Variants in NOL12 observed in about 807,000 individuals in gnomAD.
The protein encoded by NOL12 is nucleolar protein 12.
NOL12 carries 21 observed loss-of-function variants against 25.2 expected under a neutral mutation model. The ratio of observed to expected loss-of-function variants is 0.83; its 90% CI spans 0.59 to 1.20. The LOEUF (loss-of-function observed/expected upper bound fraction) is 1.20, where lower values mean the gene tolerates loss of function less well. Among genes scored for constraint, NOL12 ranks in the 50% most tolerant of loss-of-function variants. The pLI is 0.00. For synonymous variants in NOL12, 133 were observed against 113.8 expected, an observed-to-expected ratio of 1.17 and a Z score of -1.08; for missense variants, 286 against 287.6, an observed-to-expected ratio of 0.99 and a Z score of 0.04.
rs1601605141 is a variant in NOL12 at position 37,686,364 on chromosome 22, A to C, written c.-29A>C. On this transcript the variant is annotated 5_prime_UTR_variant, in exon 1 of 6. Coordinates refer to ENST00000359114, the MANE Select transcript of NOL12 (RefSeq NM_024313.3). ...GTACGCTACACCCGGAAGTGTCTTCAGGGAGAGGAAGCCGGCGGCCTCACT... is the reference window on the plus strand; with the variant it reads ...GTACGCTACACCCGGAAGTGTCTTCCGGGAGAGGAAGCCGGCGGCCTCACT... 1 of 1,576,294 alleles carries C rather than the reference A, an allele frequency of 6.3e-7. No homozygotes were observed. Among genetic ancestry groups the C allele is most frequent in the East Asian group, 2.4e-5 (1 of 42,302 alleles).
At chr22:37,690,910 G>A (rs1922037654) in intron 5 of NOL12, 116 bp downstream of exon 5, 1 of 764,306 alleles carries the variant, frequency 1.3e-6, no homozygotes, top group African/African-American at 1.7e-5. Flanking sequence ...TGCCTGTCCA[G>A]TGATCCTCTG....
intron 4 of NOL12, among the ~76,000 whole-genome samples, 172 bp downstream of exon 4, chr22:37,689,164 C>T (rs1182300773): frequency 1.3e-5 from 2 of 152,190 alleles, no homozygotes; most frequent in African/African-American, 4.8e-5. Flanking sequence ...GTTGTGGGTA[C>T]CCCACTGCTG....
At position 37,688,166 on chromosome 22, in the gene NOL12, G is replaced by A. The variant is rs546405857; in HGVS notation, c.190-146G>A. Reference sequence around the variant, plus strand: ...ATACAGGTGGAGACTCTGTGGGCCCGGGTCTGGGAGTGATGGAAGATGGAG... The same window carrying A: ...ATACAGGTGGAGACTCTGTGGGCCCAGGTCTGGGAGTGATGGAAGATGGAG... On this transcript the variant is annotated intron_variant, in intron 2 of 5. Coordinates refer to ENST00000359114, the MANE Select transcript of NOL12 (RefSeq NM_024313.3). 2.8e-4 allele frequency: 300 copies of A among 1,071,426 alleles called. 1 individual carries two copies. Among genetic ancestry groups the A allele is most frequent in the Non-Finnish European group, 3.9e-4 (277 of 713,974 alleles). 66.4% of individuals were successfully genotyped at this position (1,071,426 alleles called of 1,614,324 possible).
chr22:37,686,621 G>C, intron 1 of NOL12, 146 bp downstream of exon 1: 1 of 1,372,186 alleles, frequency 7.3e-7, no homozygotes, highest in East Asian at 3.1e-5. Flanking sequence ...TCCAGCCCGC[G>C]TTCCCGCTTC....
Position 37,691,288 on chromosome 22 carries a change from G to A in NOL12, c.594G>A (p.Lys198=), listed in dbSNP as rs1378517301. The A allele has an allele frequency of 6.2e-7, 1 of 1,613,758 alleles. No individual in the cohort carries two copies. The change falls in exon 6 of 6, where the codon AAG becomes AAA. Residue 198 remains lysine, a synonymous_variant. Coordinates refer to ENST00000359114, the MANE Select transcript of NOL12 (RefSeq NM_024313.3). ...KKPPRAPRTS[K]AQRRRLTGKA... is the part of the protein sequence containing the mutation. ...CCCCAAGGGCCCCTCGTACCAGCAA[G>A]GCCCAGCGCCGCCGTCTCACAGGCA... is the stretch of plus-strand genomic sequence containing the variant.
At position 37,692,714 on chromosome 22, in the gene NOL12, C is replaced by T. The variant is rs1233628611; in HGVS notation, c.*1378C>T. On this transcript the variant is annotated 3_prime_UTR_variant, in exon 6 of 6. Transcript: ENST00000359114. ...GACAGGACTGCGGGCTCTACCCGCC[C>T]TGATGTGGGAGCTCCTGGAGTGGGG... 1 of 399,008 alleles carries T rather than the reference C, an allele frequency of 2.5e-6. No individual in the cohort carries two copies. Among genetic ancestry groups the T allele is most frequent in the African/African-American group, 2.1e-5 (1 of 48,640 alleles). 24.7% of individuals were successfully genotyped at this position (399,008 alleles called of 1,614,324 possible). A position where few individuals can be genotyped will look rare whatever the true frequency, so the allele number is the denominator to read the frequency against.
rs1922138969 is a variant in NOL12 at position 37,693,021 on chromosome 22, G to C, written c.*1685G>C. Reference sequence around the variant, plus strand: ...CCTGCCACCAAGTTGTCTTCCCCGGGTGGCATGTGCCACTTGGCTGCCTCG... The same window carrying C: ...CCTGCCACCAAGTTGTCTTCCCCGGCTGGCATGTGCCACTTGGCTGCCTCG... On this transcript the variant is annotated 3_prime_UTR_variant, in exon 6 of 6. Transcript: ENST00000359114. 1 of 276,506 alleles carries C rather than the reference G, an allele frequency of 3.6e-6. No individual in the cohort carries two copies. The highest frequency in any genetic ancestry group is 2.2e-5 in the African/African-American group (1 of 45,962). 17.1% of individuals were successfully genotyped at this position (276,506 alleles called of 1,614,324 possible).
Position 37,687,937 on chromosome 22 carries a change from G to A in NOL12, c.111G>A (p.Arg37=), listed in dbSNP as rs1220045184. Residue 37 remains arginine (R), a synonymous_variant, in exon 2 of 6, where the codon CGG becomes CGA. Coordinates refer to ENST00000359114, the MANE Select transcript of NOL12 (RefSeq NM_024313.3). ...AGTACCTGACAGGCTTCCACAAGCGGAAGGTCGAGCGAAAGAAGGCAGCCA... is the reference window on the plus strand; with the variant it reads ...AGTACCTGACAGGCTTCCACAAGCGAAAGGTCGAGCGAAAGAAGGCAGCCA... ...RREYLTGFHK[R]KVERKKAAIE... is the part of the protein sequence containing the mutation. 5.1e-6 allele frequency: 8 copies of A among 1,581,250 alleles called. 1 individual carries two copies. The Admixed American group carries it at 1.1e-4, about 21-fold the overall frequency.
chr22:37,688,465 T>C, intron 3 of NOL12, 105 bp downstream of exon 3: 11 of 1,248,004 alleles, frequency 8.8e-6, no homozygotes, highest in Non-Finnish European at 1.1e-5. Context: ...CTAGGGATCT[T>C]GGGGGGTACC....
chr22:37,689,934 G>T (rs1445296950), intron 4 of NOL12, among the ~76,000 whole-genome samples: 1 of 152,260 alleles, frequency 6.6e-6, no homozygotes, highest in African/African-American at 2.4e-5. Context: ...CACTTTGGGA[G>T]GCCGAGGCGG....
chr22:37,686,780 CG>C, intron 1 of NOL12: 1 of 985,478 alleles, frequency 1.0e-6, no homozygotes, highest in African/African-American at 1.7e-5. Context: ...ACACAGCAGG[CG>C]CCCAGCCGTG....
chr22:37,687,137 A>G, intron 1 of NOL12: 1 of 972,684 alleles, frequency 1.0e-6, no homozygotes, highest in Non-Finnish European at 1.2e-6. Context: ...TGTCCTGGGG[A>G]CATGGGTGTT....
chr22:37,692,857 G>T lies in NOL12; in HGVS notation c.*1521G>T. The T allele has an allele frequency of 5.0e-6, 2 of 397,290 alleles. No homozygotes were observed. The highest frequency in any genetic ancestry group is 7.1e-5 in the East Asian group (2 of 28,034). 24.6% of individuals were successfully genotyped at this position (397,290 alleles called of 1,614,324 possible). A position where few individuals can be genotyped will look rare whatever the true frequency, so the allele number is the denominator to read the frequency against. On this transcript the variant is annotated 3_prime_UTR_variant, in exon 6 of 6. Transcript: ENST00000359114. ...TTATGCTGTACCTGGGAGTGGGCAG[G>T]CCCTCTCCCATGTCACCATCAAAAC...
rs146880056 is a variant in NOL12 at position 37,687,245 on chromosome 22, T to G, written c.84-665T>G. 1,401 of 261,542 alleles carry G rather than the reference T, an allele frequency of 5.4e-3. 8 individuals carry two copies. The highest frequency in any genetic ancestry group is 0.021 in the African/African-American group (895 of 42,496). 16.2% of individuals were successfully genotyped at this position (261,542 alleles called of 1,614,324 possible). A position where few individuals can be genotyped will look rare whatever the true frequency, so the allele number is the denominator to read the frequency against. On this transcript the variant is annotated intron_variant, in intron 1 of 5. Coordinates refer to ENST00000359114, the MANE Select transcript of NOL12 (RefSeq NM_024313.3). ...TGTAGGTGTGGAAGGGGTTACCTCA[T>G]GTACTGTGTGTGGCCCCCCCCCCCA...
Position 37,691,466 on chromosome 22 carries a change from C to G in NOL12, c.*130C>G. The G allele has an allele frequency of 1.8e-6, 2 of 1,090,008 alleles. No individual in the cohort carries two copies. The highest frequency in any genetic ancestry group is 2.5e-6 in the Non-Finnish European group (2 of 809,752). The allele number at this position is 1,090,008 out of a possible 1,614,324, so 67.5% of individuals were successfully genotyped here. A position where few individuals can be genotyped will look rare whatever the true frequency, so the allele number is the denominator to read the frequency against. On this transcript the variant is annotated 3_prime_UTR_variant, in exon 6 of 6. Coordinates refer to ENST00000359114, the MANE Select transcript of NOL12 (RefSeq NM_024313.3). The stretch of plus-strand genomic sequence containing the variant: ...TCAAGGTTGGGAAGCCAGGACCTCT[C>G]TGGCCTGGGGCCAGCTGCCTTTGCC...
In NOL12 at chr22:37,690,765, G is replaced by A. The variant is rs370074441; in HGVS notation, c.450G>A (p.Arg150=). Residue 150 remains arginine, a synonymous_variant, in exon 5 of 6, where the codon AGG becomes AGA. Coordinates refer to ENST00000359114, the MANE Select transcript of NOL12 (RefSeq NM_024313.3). ...AGAAACCAACCAAAGCCTTGCCCAGGAAGTCCAGAGACCCCCTGCTCTCTC... is the reference window on the plus strand; with the variant it reads ...AGAAACCAACCAAAGCCTTGCCCAGAAAGTCCAGAGACCCCCTGCTCTCTC... ...STEKPTKALP[R]KSRDPLLSQR... 1.2e-6 allele frequency: 2 copies of A among 1,613,860 alleles called. No individual in the cohort carries two copies. The highest frequency in any genetic ancestry group is 1.7e-6 in the Non-Finnish European group (2 of 1,179,834).
In NOL12 at chr22:37,686,413, G is replaced by C. The variant is rs765621182; in HGVS notation, c.21G>C (p.Lys7Asn). 34 of 1,605,694 alleles carry C rather than the reference G, an allele frequency of 2.1e-5. No homozygotes were observed. Among genetic ancestry groups the C allele is most frequent in the Non-Finnish European group, 2.7e-5 (32 of 1,177,026 alleles). Reference sequence around the variant, plus strand: ...CTGCTATGGGCCGCAACAAGAAGAAGAAGCGAGATGGTGACGACCGGCGGC... The same window carrying C: ...CTGCTATGGGCCGCAACAAGAAGAACAAGCGAGATGGTGACGACCGGCGGC... MGRNKK[K>N]KRDGDDRRPR... Residue 7 changes from lysine to asparagine, a missense_variant, in exon 1 of 6, where the codon AAG becomes AAC. Lys to Asn is a moderately conservative substitution (Grantham distance 94). Transcript: ENST00000359114.
At chr22:37,688,501 C>T (rs1433052185) in intron 3 of NOL12, 141 bp downstream of exon 3, 3 of 818,552 alleles carry the variant, frequency 3.7e-6, no homozygotes, top group Non-Finnish European at 4.1e-6. Context: ...GTCCTAAGCA[C>T]CTCTAAGTGC....
In NOL12 at chr22:37,692,779, C is replaced by G. The variant is rs73409425; in HGVS notation, c.*1443C>G. On this transcript the variant is annotated 3_prime_UTR_variant, in exon 6 of 6. Coordinates refer to ENST00000359114, the MANE Select transcript of NOL12 (RefSeq NM_024313.3). The stretch of plus-strand genomic sequence containing the variant: ...AGGGTCTGCAGGGCTGTCCTCTCTC[C>G]ACAGCCAACAGCCAGGCCTTACAGT... The G allele has an allele frequency of 2.0e-3, 804 of 398,570 alleles. 6 individuals are homozygous for G. The highest frequency in any genetic ancestry group is 0.015 in the African/African-American group (728 of 48,766). 24.7% of individuals were successfully genotyped at this position (398,570 alleles called of 1,614,324 possible). A position where few individuals can be genotyped will look rare whatever the true frequency, so the allele number is the denominator to read the frequency against.
Sources: allele counts gnomAD v4.1 joint callset (sites outside exome capture counted in the v4.1 genomes callset), GRCh38; gene constraint gnomAD v4.1.1; transcripts MANE v1.5; gene names NCBI Gene and HGNC (gene_info 2026-07-23, HGNC 2026-07-21).